The following NRXN3 variants were observed in gnomAD, a reference collection of about 807,000 sequenced individuals.
The protein encoded by NRXN3 is neurexin III.
Under a neutral mutation model 137.6 loss-of-function variants are expected in NRXN3, and 32 were observed. The ratio of observed to expected loss-of-function variants is 0.23; its 90% CI spans 0.18 to 0.31. The LOEUF (loss-of-function observed/expected upper bound fraction) is 0.31, where lower values mean the gene tolerates loss of function less well. Among genes scored for constraint, NRXN3 ranks in the 10% least tolerant of loss-of-function variants. The pLI, the probability that NRXN3 is intolerant of heterozygous loss-of-function variation, is 1.00. For synonymous variants in NRXN3, 798 were observed against 784.5 expected, an observed-to-expected ratio of 1.02 and a Z score of -0.29; for missense variants, 1,574 against 2,062.5, an observed-to-expected ratio of 0.76 and a Z score of 4.59.
At chr14:79,848,125 G>A (rs1449935811) in intron 20 of NRXN3, among the ~76,000 whole-genome samples, 8 of 152,122 alleles carry the variant, frequency 5.3e-5, no homozygotes, top group African/African-American at 1.9e-4. Context: ...TTTTTATAAA[G>A]TATATGTGTG....
chr14:78,794,238 C>T (rs952625532), intron 8 of NRXN3, among the ~76,000 whole-genome samples: 5 of 151,912 alleles, frequency 3.3e-5, no homozygotes, highest in African/African-American at 7.3e-5. Flanking sequence ...AAAAATTAGC[C>T]GGGTGTGGTG....
intron 15 of NRXN3, among the ~76,000 whole-genome samples, chr14:79,123,247 G>A (rs112125419): frequency 2.0e-5 from 3 of 151,058 alleles, no homozygotes; most frequent in East Asian, 2.0e-4. Context: ...GTGCGTGCGC[G>A]CACACACACA....
intron 4 of NRXN3, among the ~76,000 whole-genome samples, chr14:78,319,837 G>C (rs531531032): frequency 6.6e-6 from 1 of 152,198 alleles, no homozygotes; most frequent in East Asian, 1.9e-4. Flanking sequence ...CCCCTGGGAA[G>C]AATGAGATCT....
At chr14:79,264,805 C>T (rs1229976249) in intron 15 of NRXN3, among the ~76,000 whole-genome samples, 2 of 152,102 alleles carry the variant, frequency 1.3e-5, no homozygotes, top group Admixed American at 6.5e-5. Context: ...ATCCCTTCTA[C>T]ATGCAAATAA....
At chr14:79,107,164 T>C (rs931360483) in intron 15 of NRXN3, among the ~76,000 whole-genome samples, 10 of 152,112 alleles carry the variant, frequency 6.6e-5, no homozygotes, top group Non-Finnish European at 1.5e-4. Flanking sequence ...CCTCCTCAGC[T>C]AAAAAACACC....
intron 10 of NRXN3, among the ~76,000 whole-genome samples, chr14:78,939,578 GTA>G: frequency 6.6e-6 from 1 of 152,338 alleles, no homozygotes; most frequent in Admixed American, 6.5e-5. Context: ...ACAAGGGCAA[GTA>G]TATCTGGCCA....
intron 4 of NRXN3, among the ~76,000 whole-genome samples, chr14:78,350,906 C>T (rs756677986): frequency 5.3e-5 from 8 of 152,056 alleles, no homozygotes; most frequent in Non-Finnish European, 1.2e-4. Context: ...CCCTAAAACC[C>T]CATTACCCAG....
chr14:78,546,248 G>T (rs560225677), intron 4 of NRXN3, among the ~76,000 whole-genome samples: 71 of 152,198 alleles, frequency 4.7e-4, no homozygotes, highest in African/African-American at 1.7e-3. Context: ...TTTTTAAATT[G>T]TGCCAGCTGA....
intron 15 of NRXN3, among the ~76,000 whole-genome samples, chr14:79,257,565 G>A (rs1388809558): frequency 7.9e-4 from 70 of 88,412 alleles, no homozygotes; most frequent in Admixed American, 1.2e-3. Flanking sequence ...GGTGATGGTG[G>A]TGGTGGTGGT....
chr14:79,136,212 C>G lies in NRXN3; in HGVS notation c.3262+148071C>G, dbSNP rs140600570. Among the ~76,000 whole-genome samples, 541 of 152,286 alleles carry G rather than the reference C, an allele frequency of 3.6e-3. 2 individuals are homozygous for G. The highest frequency in any genetic ancestry group is 0.012 in the African/African-American group (512 of 41,556). The stretch of plus-strand genomic sequence containing the variant: ...ATGTCAGTGGCCTCTATGATACTCC[C>G]TAAAGGCGTAATTTATTCCACAGTC... On this transcript the variant is annotated intron_variant, in intron 15 of 20. Coordinates refer to ENST00000335750, the MANE Select transcript of NRXN3 (RefSeq NM_001330195.2).
intron 4 of NRXN3, among the ~76,000 whole-genome samples, chr14:78,634,285 C>A (rs1336054187): frequency 1.3e-5 from 2 of 152,162 alleles, no homozygotes; most frequent in Non-Finnish European, 2.9e-5. Context: ...TGGAAAGCAA[C>A]GATGGGGCAG....
intron 8 of NRXN3, among the ~76,000 whole-genome samples, chr14:78,797,375 G>C (rs2098825212): frequency 1.3e-5 from 2 of 152,198 alleles, no homozygotes; most frequent in South Asian, 4.1e-4. Context: ...AATAAATGCA[G>C]GCAATAGAAA....
At chr14:78,725,778 A>C (rs567074496) in intron 8 of NRXN3, among the ~76,000 whole-genome samples, 10 of 152,358 alleles carry the variant, frequency 6.6e-5, no homozygotes, top group Non-Finnish European at 1.2e-4. Flanking sequence ...TATCTGATGC[A>C]TATATACCCC....
intron 19 of NRXN3, among the ~76,000 whole-genome samples, chr14:79,698,596 A>T (rs1354940138): frequency 6.6e-6 from 1 of 152,002 alleles, no homozygotes; most frequent in South Asian, 2.1e-4. Flanking sequence ...GTTTTTTTCC[A>T]CTTGAAAGTA....
At chr14:79,042,484 C>T (rs932522379) in intron 15 of NRXN3, among the ~76,000 whole-genome samples, 9 of 152,136 alleles carry the variant, frequency 5.9e-5, no homozygotes, top group Non-Finnish European at 8.8e-5. Context: ...ATGATGGATC[C>T]GGATTTGAAT....
chr14:78,295,703 G>A (rs758863155), intron 3 of NRXN3, among the ~76,000 whole-genome samples: 9 of 152,192 alleles, frequency 5.9e-5, no homozygotes, highest in Admixed American at 5.2e-4. Context: ...GTCTTGGTTC[G>A]TGAAGCCCAG....
intron 4 of NRXN3, among the ~76,000 whole-genome samples, chr14:78,528,435 A>T (rs570449783): frequency 1.3e-4 from 20 of 152,268 alleles, no homozygotes; most frequent in Admixed American, 1.2e-3. Context: ...AGTAGCCAGG[A>T]TGTGGGATGT....
At chr14:78,975,092 C>G (rs1191313177) in intron 14 of NRXN3, among the ~76,000 whole-genome samples, 3 of 152,124 alleles carry the variant, frequency 2.0e-5, no homozygotes, top group African/African-American at 7.2e-5. Context: ...GCCTGTGTAT[C>G]AGGGACTAGG....
At chr14:78,793,211 T>C (rs2098810805) in intron 8 of NRXN3, among the ~76,000 whole-genome samples, 1 of 152,126 alleles carries the variant, frequency 6.6e-6, no homozygotes, top group Non-Finnish European at 1.5e-5. Flanking sequence ...TATTTTTAAC[T>C]TGAATCTATA....
Sources: gnomAD v4.1 joint callset for allele counts (sites outside exome capture counted in the v4.1 genomes callset) on GRCh38, gnomAD v4.1.1 for gene constraint, MANE v1.5 for transcripts, NCBI Gene and HGNC (gene_info 2026-07-23, HGNC 2026-07-21) for gene names.